Variants in CFDP1 observed in about 807,000 individuals in gnomAD.
CFDP1 encodes the protein heterochromatin-stabilizing protein CFDP1.
In CFDP1, 31 loss-of-function variants were observed where a neutral mutation model predicts 40.1. The observed-to-expected ratio is 0.77, with a 90% CI of 0.58 to 1.04. The LOEUF is 1.04. CFDP1 is among the 50% of genes least tolerant of loss of function. The pLI, the probability that CFDP1 is intolerant of heterozygous loss-of-function variation, is 0.00. For synonymous variants in CFDP1, 167 were observed against 120.0 expected (o/e 1.39, Z -2.56); for missense variants, 423 against 343.4 (o/e 1.23, Z -1.83).
intron 5 of CFDP1, among the ~76,000 whole-genome samples, chr16:75,365,037 T>C (rs1196112860): frequency 6.6e-6 from 1 of 152,228 alleles, no homozygotes; most frequent in Non-Finnish European, 1.5e-5. Context: ...TGTGGATTAT[T>C]TGGCTATCAA....
At chr16:75,362,463 T>G (rs1477423776) in intron 5 of CFDP1, among the ~76,000 whole-genome samples, 2 of 152,216 alleles carry the variant, frequency 1.3e-5, no homozygotes, top group East Asian at 3.8e-4. Flanking sequence ...AACTTTTAAT[T>G]TTACTTCTAA....
chr16:75,374,414 T>C (rs149197436), intron 5 of CFDP1, among the ~76,000 whole-genome samples: 1 of 152,086 alleles, frequency 6.6e-6, no homozygotes, highest in South Asian at 2.1e-4. Context: ...TCCATTTATA[T>C]AAATAAAAAA....
intron 5 of CFDP1, among the ~76,000 whole-genome samples, chr16:75,347,129 G>C (rs115184048): frequency 0.012 from 1,871 of 150,128 alleles, 32 homozygotes; most frequent in African/African-American, 0.044. Context: ...GTGAATCACG[G>C]GGTCAGAGTT....
At chr16:75,306,076 C>A (rs911006638) in intron 5 of CFDP1, among the ~76,000 whole-genome samples, 3 of 152,154 alleles carry the variant, frequency 2.0e-5, no homozygotes, top group Non-Finnish European at 4.4e-5. Context: ...TGAAATGAAA[C>A]GAAATCATCT....
At chr16:75,407,240 C>A (rs1278757065) in intron 4 of CFDP1, among the ~76,000 whole-genome samples, 1 of 151,988 alleles carries the variant, frequency 6.6e-6, no homozygotes, top group East Asian at 1.9e-4. Context: ...CTAGTACTTC[C>A]AGGCAAGAAA....
At chr16:75,315,542 A>G (rs1035658080) in intron 5 of CFDP1, among the ~76,000 whole-genome samples, 4 of 152,070 alleles carry the variant, frequency 2.6e-5, no homozygotes, top group Non-Finnish European at 4.4e-5. Context: ...AGGAATTCCA[A>G]TATGGTCTGG....
chr16:75,317,952 T>C (rs1177482816), intron 5 of CFDP1, among the ~76,000 whole-genome samples: 1 of 151,616 alleles, frequency 6.6e-6, no homozygotes, highest in African/African-American at 2.4e-5. Flanking sequence ...CCCCCATCTC[T>C]ACTAAAAAAA....
chr16:75,433,195 G>A (rs1050359846), intron 1 of CFDP1, 94 bp downstream of exon 1: 10 of 1,252,780 alleles, frequency 8.0e-6, no homozygotes, highest in Non-Finnish European at 1.1e-5. Flanking sequence ...TGGACCACCT[G>A]GGCCACAGGG....
chr16:75,352,406 T>C (rs1363871310), intron 5 of CFDP1, among the ~76,000 whole-genome samples: 1 of 151,922 alleles, frequency 6.6e-6, no homozygotes, highest in Non-Finnish European at 1.5e-5. Flanking sequence ...AAAAAGAATT[T>C]ATCTTCCTAT....
intron 4 of CFDP1, chr16:75,409,205 T>C (rs981984404): frequency 6.6e-6 from 1 of 152,224 alleles, no homozygotes; most frequent in African/African-American, 2.4e-5. Flanking sequence ...TGATTCCCTG[T>C]ATATTAACAC....
chr16:75,416,523 G>A (rs1181233138), intron 1 of CFDP1, among the ~76,000 whole-genome samples: 4 of 151,036 alleles, frequency 2.6e-5, no homozygotes, highest in Middle Eastern at 3.2e-3. Context: ...CCCTTTGGGA[G>A]GCCGAGGCAG....
chr16:75,344,639 G>A (rs2078549542), intron 5 of CFDP1, among the ~76,000 whole-genome samples: 1 of 152,164 alleles, frequency 6.6e-6, no homozygotes. Context: ...ACATCATTTA[G>A]AAAGAACATC....
At chr16:75,296,756 C>A (rs954585764) in intron 6 of CFDP1, among the ~76,000 whole-genome samples, 1 of 152,184 alleles carries the variant, frequency 6.6e-6, no homozygotes, top group Non-Finnish European at 1.5e-5. Context: ...CAACTGAATT[C>A]TCAAGGGCAA....
rs1003520799 is a variant in CFDP1, at chr16:75,433,418, T to C, written c.-66A>G. 7.6e-5 allele frequency: 113 copies of C among 1,490,172 alleles called. No individual in the cohort carries two copies. The highest frequency in any genetic ancestry group is 1.2e-4 in the East Asian group (5 of 40,992). 92.3% of individuals were successfully genotyped at this position (1,490,172 alleles called of 1,614,324 possible). A position where few individuals can be genotyped will look rare whatever the true frequency, so the allele number is the denominator to read the frequency against. Reference sequence around the variant, plus strand: ...GCAGCCGCCTCCAACGGCAAAGCTCTAGGGAGAGACCATAGAGCCCCGGCG... The same window carrying C: ...GCAGCCGCCTCCAACGGCAAAGCTCCAGGGAGAGACCATAGAGCCCCGGCG... On this transcript the variant is annotated 5_prime_UTR_variant, in exon 1 of 7. It removes the in-frame stop codon of an upstream open reading frame in the 5' UTR. Transcript: ENST00000283882.
chr16:75,399,296 G>A (rs1442677311), intron 4 of CFDP1, among the ~76,000 whole-genome samples: 1 of 152,158 alleles, frequency 6.6e-6, no homozygotes, highest in Non-Finnish European at 1.5e-5. Flanking sequence ...CAGGCTTAAT[G>A]CAGGGTTCTG....
chr16:75,429,515 G>T (rs1213731439), intron 1 of CFDP1, among the ~76,000 whole-genome samples: 1 of 152,116 alleles, frequency 6.6e-6, no homozygotes, highest in East Asian at 1.9e-4. Flanking sequence ...TTAGCTGGGT[G>T]TGGTGGTGGG....
intron 5 of CFDP1, among the ~76,000 whole-genome samples, chr16:75,344,693 G>C (rs2078549847): frequency 6.6e-6 from 1 of 152,174 alleles, no homozygotes; most frequent in African/African-American, 2.4e-5. Context: ...CAGCACTTTA[G>C]GAGGCCCAGA....
chr16:75,374,207 C>G (rs534302510), intron 5 of CFDP1, among the ~76,000 whole-genome samples: 62 of 151,790 alleles, frequency 4.1e-4, no homozygotes, highest in Non-Finnish European at 8.1e-4. Flanking sequence ...GAACCGAGAT[C>G]GCGCCACTGC....
intron 4 of CFDP1, among the ~76,000 whole-genome samples, chr16:75,404,168 A>T (rs187435): frequency 0.93 from 140,471 of 151,312 alleles, 65,224 homozygotes; most frequent in East Asian, 1. Flanking sequence ...TATTTATGGA[A>T]CCCGAAAACA....
Sources: gnomAD v4.1 joint callset for allele counts (sites outside exome capture counted in the v4.1 genomes callset) on GRCh38, gnomAD v4.1.1 for gene constraint, MANE v1.5 for transcripts, NCBI Gene and HGNC (gene_info 2026-07-23, HGNC 2026-07-21) for gene names.